The following PPP2R2B variants were observed in gnomAD, a reference collection of about 807,000 sequenced individuals.
PPP2R2B encodes serine/threonine-protein phosphatase 2A 55 kDa regulatory subunit B beta isoform.
PPP2R2B carries 5 observed loss-of-function variants against 46.0 expected under a neutral mutation model. The observed-to-expected ratio is 0.11, with a 90% CI of 0.06 to 0.23. The LOEUF (loss-of-function observed/expected upper bound fraction) is 0.23, where lower values mean the gene tolerates loss of function less well. PPP2R2B is among the 10% of genes least tolerant of loss of function. PPP2R2B has a pLI of 1.00. For synonymous variants in PPP2R2B, 215 were observed against 206.7 expected (o/e 1.04, Z -0.34); for missense variants, 367 against 575.0 (o/e 0.64, Z 3.70).
intron 1 of PPP2R2B, among the ~76,000 whole-genome samples, chr5:146,957,228 A>G (rs187306073): frequency 6.6e-6 from 1 of 152,328 alleles, no homozygotes; most frequent in Non-Finnish European, 1.5e-5. Flanking sequence ...TTATTTAAAA[A>G]TGCAGATTTC....
chr5:146,789,412 C>T (rs1387555637), intron 2 of PPP2R2B, among the ~76,000 whole-genome samples: 2 of 152,092 alleles, frequency 1.3e-5, no homozygotes, highest in East Asian at 3.9e-4. Context: ...ATCACACATG[C>T]TTAACATAGA....
chr5:147,034,090 C>T (rs1222585704), intron 1 of PPP2R2B, among the ~76,000 whole-genome samples: 1 of 152,192 alleles, frequency 6.6e-6, no homozygotes, highest in African/African-American at 2.4e-5. Flanking sequence ...CTTCCCCTTG[C>T]AAACTAAGCT....
At chr5:147,034,319 A>AT (rs1404116417) in intron 1 of PPP2R2B, among the ~76,000 whole-genome samples, 1 of 152,006 alleles carries the variant, frequency 6.6e-6, no homozygotes, top group East Asian at 1.9e-4. Context: ...TCTTCTTCAC[A>AT]TTTTTTATAG....
chr5:146,705,725 T>A (rs1779796005), intron 2 of PPP2R2B, among the ~76,000 whole-genome samples: 1 of 152,142 alleles, frequency 6.6e-6, no homozygotes, highest in African/African-American at 2.4e-5. Context: ...TTGAGCATAT[T>A]TTCCACAAAT....
intron 2 of PPP2R2B, among the ~76,000 whole-genome samples, chr5:146,856,888 GA>G (rs1469083705): frequency 6.6e-6 from 1 of 152,118 alleles, no homozygotes. Flanking sequence ...CTGGGAAACT[GA>G]AAAAATCAAA....
intron 1 of PPP2R2B, among the ~76,000 whole-genome samples, chr5:146,948,784 A>G (rs1295945756): frequency 6.6e-6 from 1 of 152,110 alleles, no homozygotes; most frequent in Admixed American, 6.6e-5. Flanking sequence ...TACTTTCAAG[A>G]GGCTCATGGT....
At chr5:147,067,203 G>A (rs1167454327) in intron 2 of PPP2R2B, among the ~76,000 whole-genome samples, 1 of 152,086 alleles carries the variant, frequency 6.6e-6, no homozygotes, top group Admixed American at 6.6e-5. Context: ...AATCTACTCA[G>A]CAATTTTCCA....
At chr5:146,709,480 G>A (rs1424449024) in intron 2 of PPP2R2B, among the ~76,000 whole-genome samples, 1 of 152,180 alleles carries the variant, frequency 6.6e-6, no homozygotes, top group Non-Finnish European at 1.5e-5. Flanking sequence ...AGGGGTAATT[G>A]TGTGACCCAG....
chr5:146,971,187 C>T (rs1479305713), intron 1 of PPP2R2B, among the ~76,000 whole-genome samples: 1 of 152,128 alleles, frequency 6.6e-6, no homozygotes, highest in Non-Finnish European at 1.5e-5. Context: ...TGTGGTAGGA[C>T]ATATGTTCAT....
intron 1 of PPP2R2B, among the ~76,000 whole-genome samples, chr5:146,934,583 G>GAAAAAAAA (rs3062352): frequency 2.2e-3 from 70 of 31,466 alleles, no homozygotes; most frequent in East Asian, 3.6e-3. Context: ...TTTTTCATAA[G>GAAAAAAAA]AAAAAAAAAA....
At chr5:146,815,053 T>C (rs927636414) in intron 2 of PPP2R2B, among the ~76,000 whole-genome samples, 1 of 152,172 alleles carries the variant, frequency 6.6e-6, no homozygotes, top group Non-Finnish European at 1.5e-5. Flanking sequence ...TGCTAACACT[T>C]ACAGTAGAAG....
Position 146,759,761 on chromosome 5 carries a change from T to A in PPP2R2B, c.71-58619A>T, listed in dbSNP as rs556235512. On this transcript the variant is annotated intron_variant, in intron 2 of 9. Transcript: ENST00000394411. ...CTGGCAAATCCATTTCTTCCCTTTT[T>A]TTTTTTTTCATTTGTGACGGAGGGT... Among the ~76,000 whole-genome samples, 118 of 152,260 alleles carry A rather than the reference T, an allele frequency of 7.7e-4. No individual in the cohort carries two copies. The East Asian group carries it at 0.013, about 17-fold the overall frequency.
At chr5:146,876,413 C>T (rs1761900404) in intron 2 of PPP2R2B, among the ~76,000 whole-genome samples, 1 of 144,628 alleles carries the variant, frequency 6.9e-6, no homozygotes, top group Admixed American at 6.9e-5. Context: ...AACATGAAGG[C>T]AGCTCTCTTT....
At chr5:146,959,670 C>A (rs2151840915) in intron 1 of PPP2R2B, among the ~76,000 whole-genome samples, 1 of 152,262 alleles carries the variant, frequency 6.6e-6, no homozygotes, top group South Asian at 2.1e-4. Context: ...GGTGCTTGAA[C>A]TGTGCTGAAA....
At chr5:146,596,060 G>A (rs322476) in intron 8 of PPP2R2B, among the ~76,000 whole-genome samples, 98,918 of 152,034 alleles carry the variant, frequency 0.65, 32,440 homozygotes, top group Admixed American at 0.71. Context: ...TCTGTGGGCC[G>A]TATGGTCTCT....
intron 1 of PPP2R2B, among the ~76,000 whole-genome samples, chr5:146,930,131 A>T (rs1763919625): frequency 6.6e-6 from 1 of 152,172 alleles, no homozygotes; most frequent in South Asian, 2.1e-4. Flanking sequence ...GGGTTATGTG[A>T]TAGAAAGAGT....
chr5:146,765,808 C>T (rs1444897545), intron 2 of PPP2R2B, among the ~76,000 whole-genome samples: 1 of 152,090 alleles, frequency 6.6e-6, no homozygotes, highest in Non-Finnish European at 1.5e-5. Context: ...CAAAGAAACC[C>T]ATTAGTTTTC....
chr5:146,672,225 C>G (rs1041762689), intron 5 of PPP2R2B, among the ~76,000 whole-genome samples: 153 of 152,290 alleles, frequency 1.0e-3, no homozygotes, highest in African/African-American at 3.6e-3. Flanking sequence ...GATTATGAAG[C>G]AACATTCTTG....
At chr5:147,062,711 A>T (rs1323518015) in intron 2 of PPP2R2B, among the ~76,000 whole-genome samples, 4 of 152,006 alleles carry the variant, frequency 2.6e-5, no homozygotes, top group African/African-American at 9.7e-5. Context: ...ACTGACACTA[A>T]GATTTTGTAT....
Sources: allele counts gnomAD v4.1 joint callset (sites outside exome capture counted in the v4.1 genomes callset), GRCh38; gene constraint gnomAD v4.1.1; transcripts MANE v1.5; gene names NCBI Gene and HGNC (gene_info 2026-07-23, HGNC 2026-07-21).